Variants in NCAM1 observed in about 807,000 individuals in gnomAD.
NCAM1 encodes neural cell adhesion molecule 1.
In NCAM1, 14 loss-of-function variants were observed where a neutral mutation model predicts 109.8. The observed-to-expected ratio is 0.13, with a 90% CI of 0.08 to 0.20. NCAM1 has a LOEUF of 0.20. NCAM1 is among the 10% of genes least tolerant of loss of function. The pLI, the probability that NCAM1 is intolerant of heterozygous loss-of-function variation, is 1.00. For synonymous variants in NCAM1, 418 were observed against 442.9 expected, an observed-to-expected ratio of 0.94 and a Z score of 0.70; for missense variants, 774 against 1,109.9, an observed-to-expected ratio of 0.70 and a Z score of 4.30.
At chr11:113,141,398 G>A (rs1483431546) in intron 1 of NCAM1, among the ~76,000 whole-genome samples, 16 of 152,178 alleles carry the variant, frequency 1.1e-4, no homozygotes, top group Non-Finnish European at 1.6e-4. Context: ...TTGGGAGGCC[G>A]AGGTGGGCAG....
At chr11:113,245,301 G>A (rs1042140831) in intron 14 of NCAM1, among the ~76,000 whole-genome samples, 5 of 152,248 alleles carry the variant, frequency 3.3e-5, no homozygotes, top group East Asian at 1.9e-4. Flanking sequence ...AATTAGCTGG[G>A]TATAGTAGCA....
At chr11:112,968,231 T>A (rs888736300) in intron 1 of NCAM1, among the ~76,000 whole-genome samples, 1 of 152,212 alleles carries the variant, frequency 6.6e-6, no homozygotes, top group Non-Finnish European at 1.5e-5. Context: ...TGACAGAAGA[T>A]CTTAAATGAG....
intron 1 of NCAM1, among the ~76,000 whole-genome samples, chr11:113,185,329 CTATT>C (rs1265585810): frequency 1.3e-5 from 2 of 152,066 alleles, no homozygotes; most frequent in African/African-American, 4.8e-5. Context: ...AAAGAAAGAA[CTATT>C]TATTAATCAG....
chr11:113,000,870 T>TAC (rs1951736443), intron 1 of NCAM1, among the ~76,000 whole-genome samples: 1 of 130,730 alleles, frequency 7.6e-6, no homozygotes, highest in African/African-American at 3.1e-5. Context: ...TATATATATA[T>TAC]ACACATACAC....
chr11:113,112,861 G>A (rs193145421), intron 1 of NCAM1, among the ~76,000 whole-genome samples: 28 of 152,228 alleles, frequency 1.8e-4, no homozygotes, highest in Admixed American at 4.6e-4. Context: ...GCCAGGTGTG[G>A]TGTCTCACAC....
intron 1 of NCAM1, among the ~76,000 whole-genome samples, chr11:113,110,065 C>G (rs2135945257): frequency 6.6e-6 from 1 of 152,190 alleles, no homozygotes; most frequent in East Asian, 1.9e-4. Context: ...GTGCATGGAG[C>G]TAATAGTCGT....
intron 17 of NCAM1, chr11:113,263,552 C>G: frequency 1.0e-6 from 1 of 985,712 alleles, no homozygotes; most frequent in Non-Finnish European, 1.2e-6. Context: ...GGCTGATGAA[C>G]GTTCTGGGAT....
At chr11:113,195,969 T>C (rs1416835310) in intron 1 of NCAM1, among the ~76,000 whole-genome samples, 1 of 151,908 alleles carries the variant, frequency 6.6e-6, no homozygotes, top group Admixed American at 6.6e-5. Flanking sequence ...TGTACTGTCA[T>C]TTAAAAACAC....
chr11:113,059,339 G>A (rs1283741012), intron 1 of NCAM1, among the ~76,000 whole-genome samples: 1 of 152,138 alleles, frequency 6.6e-6, no homozygotes, highest in Non-Finnish European at 1.5e-5. Context: ...GAGATTTAGT[G>A]GCTTAAAACA....
At position 113,231,366 on chromosome 11, in the gene NCAM1, A is replaced by G. The variant is rs1223782092; in HGVS notation, c.1090-279A>G. ...CAAACAAAGTCATCTTGGGGGACCT[A>G]GCCCCAAACCAATCTTGGTACTTAG... On this transcript the variant is annotated intron_variant, in intron 9 of 19. Transcript: ENST00000316851. 5.1e-5 allele frequency: 71 copies of G among 1,394,028 alleles called. No individual in the cohort carries two copies. In the South Asian group the frequency reaches 7.5e-4, roughly 15 times the overall value. The allele number at this position is 1,394,028 out of a possible 1,614,324, so 86.4% of individuals were successfully genotyped here. A position where few individuals can be genotyped will look rare whatever the true frequency, so the allele number is the denominator to read the frequency against.
intron 1 of NCAM1, among the ~76,000 whole-genome samples, chr11:113,015,260 G>A (rs1555075095): frequency 6.6e-6 from 1 of 152,136 alleles, no homozygotes; most frequent in Admixed American, 6.6e-5. Flanking sequence ...GACCCTCCCT[G>A]GTCCAGGTGG....
At position 113,243,666 on chromosome 11, in the gene NCAM1, G is replaced by A. The variant is rs782676584; in HGVS notation, c.1826-2702G>A. Reference sequence around the variant, plus strand: ...TCTCCTGAAGAATCCATATGAGTATGCGTGCATGTTCATAGTGTTCAAGCA... The same window carrying A: ...TCTCCTGAAGAATCCATATGAGTATACGTGCATGTTCATAGTGTTCAAGCA... On this transcript the variant is annotated intron_variant, in intron 14 of 19. Coordinates refer to ENST00000316851, the MANE Select transcript of NCAM1 (RefSeq NM_181351.5). The A allele has an allele frequency of 1.6e-5, 8 of 509,314 alleles. No individual in the cohort carries two copies. In the East Asian group the frequency reaches 4.4e-4, roughly 28 times the overall value. 31.5% of individuals were successfully genotyped at this position (509,314 alleles called of 1,614,324 possible).
At chr11:113,237,731 C>G (rs1228408841) in intron 14 of NCAM1, among the ~76,000 whole-genome samples, 1 of 152,068 alleles carries the variant, frequency 6.6e-6, no homozygotes, top group African/African-American at 2.4e-5. Flanking sequence ...TGGGATGAGG[C>G]CCCCCTCTGA....
intron 1 of NCAM1, among the ~76,000 whole-genome samples, chr11:113,127,288 T>C (rs1464457369): frequency 1.3e-5 from 2 of 152,156 alleles, no homozygotes; most frequent in African/African-American, 2.4e-5. Context: ...GAATAATAAA[T>C]GGAATTTAAA....
chr11:113,131,531 C>T (rs562161822), intron 1 of NCAM1, among the ~76,000 whole-genome samples: 14 of 152,306 alleles, frequency 9.2e-5, no homozygotes, highest in East Asian at 1.9e-4. Context: ...CCTGGCAGTG[C>T]GCCACCCTTG....
Position 113,221,167 on chromosome 11 carries a change from G to A in NCAM1, c.1060-129G>A, listed in dbSNP as rs1944682483. The A allele has an allele frequency of 5.8e-6, 5 of 858,268 alleles. No individual in the cohort carries two copies. In the East Asian group the frequency reaches 8.1e-5, roughly 14 times the overall value. The allele number at this position is 858,268 out of a possible 1,614,324, so 53.2% of individuals were successfully genotyped here. A position where few individuals can be genotyped will look rare whatever the true frequency, so the allele number is the denominator to read the frequency against. On this transcript the variant is annotated intron_variant, in intron 8 of 19. Transcript: ENST00000316851. ...GTAATAAACACACCATTGAAAGTGG[G>A]CCTTGGAAAAAGTTCTGAATTAAAG...
In NCAM1 at chr11:113,277,397, T is replaced by TTTGA. The variant is rs1214241509; in HGVS notation, c.*2013_*2016dup. 7.5e-6 allele frequency: 3 copies of TTTGA among 398,998 alleles called. No homozygotes were observed. The highest frequency in any genetic ancestry group is 1.3e-5 in the Non-Finnish European group (3 of 226,116). The allele number at this position is 398,998 out of a possible 1,614,324, so 24.7% of individuals were successfully genotyped here. A position where few individuals can be genotyped will look rare whatever the true frequency, so the allele number is the denominator to read the frequency against. On this transcript the variant is annotated 3_prime_UTR_variant, in exon 20 of 20. Coordinates refer to ENST00000316851, the MANE Select transcript of NCAM1 (RefSeq NM_181351.5). ...TCCCAGAACACACAGCCCTGGCCCC[T>TTTGA]TTGATTCTAGGGCCTGCACAGATCT...
intron 1 of NCAM1, among the ~76,000 whole-genome samples, chr11:113,130,222 T>A (rs1201261920): frequency 6.6e-6 from 1 of 152,226 alleles, no homozygotes; most frequent in Non-Finnish European, 1.5e-5. Context: ...CTGCAAACAA[T>A]ATTTTTAGGA....
chr11:113,130,591 G>A (rs1239198888), intron 1 of NCAM1: 1 of 152,220 alleles, frequency 6.6e-6, no homozygotes, highest in Non-Finnish European at 1.5e-5. Flanking sequence ...TGACTGGGCT[G>A]TAGATACCTT....
Sources: gnomAD v4.1 joint callset for allele counts (sites outside exome capture counted in the v4.1 genomes callset) on GRCh38, gnomAD v4.1.1 for gene constraint, MANE v1.5 for transcripts, NCBI Gene and HGNC (gene_info 2026-07-23, HGNC 2026-07-21) for gene names.